SLIT1: variants seen among roughly 807,000 people sequenced by gnomAD.
SLIT1 encodes slit homolog 1 protein.
A neutral mutation model predicts 186.1 loss-of-function variants in SLIT1; 66 were observed. That is an observed-to-expected ratio of 0.35 (90% confidence interval 0.29 to 0.44). The LOEUF (loss-of-function observed/expected upper bound fraction) is 0.44. SLIT1 is among the 20% of genes least tolerant of loss of function. The pLI is 1.00. For missense variants in SLIT1, 1,638 were observed against 2,037.4 expected (o/e 0.80, Z 3.77); for synonymous variants, 761 against 833.8 (o/e 0.91, Z 1.50).
At chr10:97,181,120 G>A (rs1310197576) in intron 1 of SLIT1, among the ~76,000 whole-genome samples, 4 of 152,180 alleles carry the variant, frequency 2.6e-5, no homozygotes, top group South Asian at 2.1e-4. Flanking sequence ...GGCACGGCAC[G>A]GGGGTCCTAA....
At chr10:97,065,989 C>T (rs1848941046) in intron 5 of SLIT1, 26 bp downstream of exon 5, 1 of 1,560,444 alleles carries the variant, frequency 6.4e-7, no homozygotes, top group Non-Finnish European at 8.8e-7. Context: ...CCCCCACACC[C>T]TTCTCCCTCC....
chr10:97,002,864 T>C lies in SLIT1; in HGVS notation c.3994A>G (p.Lys1332Glu). 6.2e-7 allele frequency: 1 copy of C among 1,614,214 alleles called. No individual in the cohort carries two copies. The highest frequency in any genetic ancestry group is 8.5e-7 in the Non-Finnish European group (1 of 1,180,032). The change falls in exon 35 of 37, where the codon AAG (lysine) becomes GAG (glutamate). Residue 1332 changes from lysine to glutamate, a missense_variant. Physicochemically the swap from Lys to Glu is moderately conservative, Grantham distance 56 (BLOSUM62 1). Transcript: ENST00000266058. ...TCGCAGCCTGGCACCACGCCTGGCT[T>C]CATCTGCGTCTTGGTGAAGTCCTGC... Reference protein sequence around the residue: ...ELQDFTKTQMKPGVVPGCEPC... With the variant: ...ELQDFTKTQMEPGVVPGCEPC...
intron 21 of SLIT1, among the ~76,000 whole-genome samples, chr10:97,038,673 AC>A (rs1198410742): frequency 6.6e-6 from 1 of 150,900 alleles, no homozygotes; most frequent in East Asian, 1.9e-4. Context: ...CAGGATCTCC[AC>A]CCCCCAACTA....
Position 96,999,935 on chromosome 10 carries a change from A to C in SLIT1, c.*1177T>G, listed in dbSNP as rs937356876. 1.3e-5 allele frequency: 2 copies of C among 151,850 alleles called. No homozygotes were observed. Among genetic ancestry groups the C allele is most frequent in the African/African-American group, 4.8e-5 (2 of 41,352 alleles). The allele number at this position is 151,850 out of a possible 1,614,324, so 9.4% of individuals were successfully genotyped here. A position where few individuals can be genotyped will look rare whatever the true frequency, so the allele number is the denominator to read the frequency against. ...CTTTTGATGTGATCAATGTAGATAGATAGATAGATAGATAGGTCTTCTAAC... is the reference window on the plus strand; with the variant it reads ...CTTTTGATGTGATCAATGTAGATAGCTAGATAGATAGATAGGTCTTCTAAC... On this transcript the variant is annotated 3_prime_UTR_variant, in exon 37 of 37. Transcript: ENST00000266058.
intron 4 of SLIT1, among the ~76,000 whole-genome samples, chr10:97,086,791 G>A (rs1019908584): frequency 6.6e-6 from 1 of 152,130 alleles, no homozygotes. Flanking sequence ...AGGACTTTTA[G>A]GGCAGGGGAA....
chr10:97,066,384 A>T (rs1236436897), intron 4 of SLIT1, among the ~76,000 whole-genome samples: 1 of 152,132 alleles, frequency 6.6e-6, no homozygotes, highest in East Asian at 1.9e-4. Context: ...TGGGGCAGCT[A>T]CGATCAGCCC....
intron 1 of SLIT1, among the ~76,000 whole-genome samples, chr10:97,177,179 CAT>C (rs1850267684): frequency 1.3e-5 from 2 of 152,182 alleles, no homozygotes; most frequent in African/African-American, 4.8e-5. Context: ...GAGGTCCCCC[CAT>C]CTCTCTCTCC....
At chr10:97,081,570 G>T (rs908119180) in intron 4 of SLIT1, among the ~76,000 whole-genome samples, 2 of 152,184 alleles carry the variant, frequency 1.3e-5, no homozygotes, top group African/African-American at 4.8e-5. Flanking sequence ...AAGAAAGAAG[G>T]GGCTGGAGGG....
Position 97,144,532 on chromosome 10 carries a change from G to A in SLIT1, c.413+13286C>T, listed in dbSNP as rs182388021. Among the ~76,000 whole-genome samples, 1,098 of 152,300 alleles carry A rather than the reference G, an allele frequency of 7.2e-3. 6 individuals are homozygous for A. The highest frequency in any genetic ancestry group is 0.014 in the South Asian group (67 of 4,818). ...AAGCTCTCAGGCGGCAGGCTAAGCT[G>A]CCTGCCAAATCCTGAGTGCACTGAG... On this transcript the variant is annotated intron_variant, in intron 4 of 36. Transcript: ENST00000266058.
At chr10:97,129,911 G>A (rs1350345633) in intron 4 of SLIT1, among the ~76,000 whole-genome samples, 2 of 151,964 alleles carry the variant, frequency 1.3e-5, no homozygotes, top group African/African-American at 4.8e-5. Context: ...GCTCTCTCAA[G>A]AACAAGGCGG....
chr10:97,113,163 T>A (rs948358689), intron 4 of SLIT1, among the ~76,000 whole-genome samples: 5 of 152,232 alleles, frequency 3.3e-5, no homozygotes, highest in African/African-American at 7.2e-5. Context: ...TAATTATATA[T>A]AATTTGATAT....
intron 4 of SLIT1, among the ~76,000 whole-genome samples, chr10:97,114,038 C>T (rs1043958534): frequency 3.3e-5 from 5 of 152,096 alleles, no homozygotes; most frequent in Admixed American, 2.6e-4. Flanking sequence ...TCTCCCAGCC[C>T]CTCAGGATAC....
chr10:97,175,570 G>A (rs569671400), intron 1 of SLIT1, among the ~76,000 whole-genome samples: 54 of 152,202 alleles, frequency 3.5e-4, no homozygotes, highest in South Asian at 8.3e-4. Flanking sequence ...GTCGCAATCC[G>A]AGTGGGTGTG....
At chr10:97,066,147 G>A (rs897713795) in intron 4 of SLIT1, 61 bp from the exon 5 acceptor site, 2 of 1,341,084 alleles carry the variant, frequency 1.5e-6, no homozygotes, top group Non-Finnish European at 2.1e-6. Context: ...CCTGCAGAGT[G>A]CTGTGATAAG....
In SLIT1 at chr10:97,013,727, G is replaced by A. The variant is rs1178771441; in HGVS notation, c.3203+14C>T. On this transcript the variant is annotated intron_variant, in intron 30 of 36. Coordinates refer to ENST00000266058, the MANE Select transcript of SLIT1 (RefSeq NM_003061.3). ...CTGAGCTCCTCCCTGGCCCTGGAAA[G>A]GGGCAACACTCACCTGGGCCCATCC... 8 of 1,545,048 alleles carry A rather than the reference G, an allele frequency of 5.2e-6. No individual in the cohort carries two copies. The highest frequency in any genetic ancestry group is 1.4e-5 in the African/African-American group (1 of 72,900).
At chr10:97,163,917 G>T (rs1850066818) in intron 2 of SLIT1, among the ~76,000 whole-genome samples, 1 of 152,230 alleles carries the variant, frequency 6.6e-6, no homozygotes, top group Non-Finnish European at 1.5e-5. Flanking sequence ...GTATCAGGGG[G>T]AGGGGAGCCT....
chr10:97,086,982 G>C (rs768882018), intron 4 of SLIT1, among the ~76,000 whole-genome samples: 5 of 152,104 alleles, frequency 3.3e-5, no homozygotes, highest in African/African-American at 1.2e-4. Context: ...TGTGATAACA[G>C]GGGAGGCTGT....
intron 30 of SLIT1, among the ~76,000 whole-genome samples, chr10:97,012,150 T>A (rs1233087395): frequency 1.4e-5 from 2 of 141,702 alleles, no homozygotes; most frequent in Non-Finnish European, 3.1e-5. Context: ...GAAACCAGAT[T>A]CATACAACAA....
At chr10:97,084,614 C>G (rs1448370865) in intron 4 of SLIT1, among the ~76,000 whole-genome samples, 1 of 150,928 alleles carries the variant, frequency 6.6e-6, no homozygotes, top group African/African-American at 2.4e-5. Context: ...CTTTTCTTTT[C>G]TTTTCTTGTG....
Sources: gnomAD v4.1 joint callset for allele counts (sites outside exome capture counted in the v4.1 genomes callset) on GRCh38, gnomAD v4.1.1 for gene constraint, MANE v1.5 for transcripts, NCBI Gene and HGNC (gene_info 2026-07-23, HGNC 2026-07-21) for gene names.